Variants in MIDEAS observed in about 807,000 individuals in gnomAD.
The protein encoded by MIDEAS is mitotic deacetylase-associated SANT domain protein.
A neutral mutation model predicts 102.7 loss-of-function variants in MIDEAS; 26 were observed. The observed-to-expected ratio is 0.25, with a 90% CI of 0.19 to 0.35. MIDEAS has a LOEUF of 0.35. Among genes scored for constraint, MIDEAS ranks in the 10% least tolerant of loss-of-function variants. MIDEAS has a pLI of 1.00. For missense variants in MIDEAS, 1,231 were observed against 1,435.6 expected (o/e 0.86, Z 2.30); for synonymous variants, 585 against 591.0 (o/e 0.99, Z 0.15).
At chr14:73,747,614 A>G (rs2053368879) in intron 1 of MIDEAS, among the ~76,000 whole-genome samples, 1 of 149,014 alleles carries the variant, frequency 6.7e-6, no homozygotes, top group African/African-American at 2.5e-5. Context: ...GTCTGTGTGG[A>G]TGTCAAGCAG....
At chr14:73,758,559 G>A (rs2053514868) in intron 1 of MIDEAS, among the ~76,000 whole-genome samples, 1 of 152,150 alleles carries the variant, frequency 6.6e-6, no homozygotes, top group Non-Finnish European at 1.5e-5. Context: ...CTGCATACGC[G>A]GGCCACCGGG....
chr14:73,761,776 T>C (rs1027206715), upstream of MIDEAS, among the ~76,000 whole-genome samples: 1 of 152,224 alleles, frequency 6.6e-6, no homozygotes, highest in African/African-American at 2.4e-5. Flanking sequence ...TGAAGAGCCC[T>C]GCATGTGAGT....
chr14:73,735,917 GAGGCCA>G (rs1431933142), intron 3 of MIDEAS, among the ~76,000 whole-genome samples: 1 of 152,204 alleles, frequency 6.6e-6, no homozygotes, highest in African/African-American at 2.4e-5. Context: ...AACACTTTGG[GAGGCCA>G]AGGCGGGCAG....
rs1419928956 is a variant in MIDEAS, at chr14:73,716,641, C to A, written c.*2202G>T. The A allele has an allele frequency of 1.4e-5, 2 of 143,580 alleles. No individual in the cohort carries two copies. Among genetic ancestry groups the A allele is most frequent in the African/African-American group, 5.4e-5 (2 of 37,370 alleles). 8.9% of individuals were successfully genotyped at this position (143,580 alleles called of 1,614,324 possible). On this transcript the variant is annotated 3_prime_UTR_variant, in exon 13 of 13. Transcript: ENST00000423556. ...GAGGTTGCAGTGAGCCAAGATCACA[C>A]CACTGCACTCCAGCCTGGGCGACAG...
At chr14:73,738,064 A>G (rs977590618) in intron 2 of MIDEAS, among the ~76,000 whole-genome samples, 1 of 152,102 alleles carries the variant, frequency 6.6e-6, no homozygotes, top group African/African-American at 2.4e-5. Context: ...GATTATAGGC[A>G]TAAGCCACTG....
In MIDEAS at chr14:73,726,667, A is replaced by G; in HGVS notation, c.2346T>C (p.Pro782=). 6.2e-7 allele frequency: 1 copy of G among 1,614,246 alleles called. No individual in the cohort carries two copies. The highest frequency in any genetic ancestry group is 8.5e-7 in the Non-Finnish European group (1 of 1,180,038). The change falls in exon 7 of 13, where the codon CCT becomes CCC. Residue 782 remains proline (P), a synonymous_variant. Transcript: ENST00000423556. ...LLTAACSSIF[P]GAGTNQELAL... ...CCAGCTCCTGGTTGGTGCCAGCACCAGGGAAAATGCTGGAGCAGGCGGCTG... is the reference window on the plus strand; with the variant it reads ...CCAGCTCCTGGTTGGTGCCAGCACCGGGGAAAATGCTGGAGCAGGCGGCTG...
chr14:73,781,462 C>T (rs922212345), intron 1 of MIDEAS, among the ~76,000 whole-genome samples: 2 of 152,144 alleles, frequency 1.3e-5, no homozygotes, highest in East Asian at 1.9e-4. Context: ...AGGCCAGCCG[C>T]GGTGGCTCAT....
intron 9 of MIDEAS, chr14:73,724,673 G>A (rs1170594010): frequency 6.4e-6 from 1 of 155,866 alleles, no homozygotes; most frequent in African/African-American, 2.4e-5. Flanking sequence ...CTTTTCCCTT[G>A]GCAGTCCACA....
At chr14:73,751,900 C>CA (rs2053425120) in intron 1 of MIDEAS, among the ~76,000 whole-genome samples, 1 of 151,878 alleles carries the variant, frequency 6.6e-6, no homozygotes, top group African/African-American at 2.4e-5. Context: ...AACTCTGTCT[C>CA]AAAAAAATAA....
At chr14:73,733,753 G>A (rs2053167481) in intron 3 of MIDEAS, among the ~76,000 whole-genome samples, 2 of 152,146 alleles carry the variant, frequency 1.3e-5, no homozygotes. Flanking sequence ...GGAGTGCAGT[G>A]GTACGATCTT....
intron 1 of MIDEAS, among the ~76,000 whole-genome samples, chr14:73,756,267 AGTGTGTGTGT>A (rs772519833): frequency 2.8e-5 from 4 of 141,134 alleles, no homozygotes; most frequent in African/African-American, 7.8e-5. Flanking sequence ...AGCCCATGTC[AGTGTGTGTGT>A]GTGTGTGTGT....
At chr14:73,772,078 G>A (rs1159427965) in intron 1 of MIDEAS, among the ~76,000 whole-genome samples, 1 of 152,214 alleles carries the variant, frequency 6.6e-6, no homozygotes, top group Non-Finnish European at 1.5e-5. Flanking sequence ...GGGGCTGGAG[G>A]CAGAGTCCAC....
intron 11 of MIDEAS, among the ~76,000 whole-genome samples, 198 bp downstream of exon 11, chr14:73,721,099 A>G (rs999019870): frequency 1.3e-5 from 2 of 152,220 alleles, no homozygotes; most frequent in Non-Finnish European, 2.9e-5. Context: ...TTCCCCATCT[A>G]TAAAATGGGA....
intron 4 of MIDEAS, chr14:73,728,254 TA>T (rs11318877): frequency 0.51 from 65,322 of 127,864 alleles, 16,553 homozygotes; most frequent in East Asian, 0.74. Context: ...CTCCTTTGCT[TA>T]AAAAAAAAAA....
intron 9 of MIDEAS, chr14:73,724,334 G>A (rs990595777): frequency 3.3e-5 from 5 of 152,192 alleles, no homozygotes; most frequent in African/African-American, 1.2e-4. Context: ...AAACAGACAT[G>A]TTTCATCTCA....
In MIDEAS at chr14:73,718,622, C is replaced by G; in HGVS notation, c.*221G>C. ...AGGAAAGCACGAGGACAGCTTCCGA[C>G]AGACCAAATGCAAAGAGAGCTGGAT... On this transcript the variant is annotated 3_prime_UTR_variant, in exon 13 of 13. Transcript: ENST00000423556. 2 of 423,698 alleles carry G rather than the reference C, an allele frequency of 4.7e-6. No individual in the cohort carries two copies. Among genetic ancestry groups the G allele is most frequent in the Non-Finnish European group, 8.0e-6 (2 of 251,548 alleles). The allele number at this position is 423,698 out of a possible 1,614,324, so 26.2% of individuals were successfully genotyped here.
intron 1 of MIDEAS, among the ~76,000 whole-genome samples, chr14:73,768,128 C>G (rs746670156): frequency 6.6e-6 from 1 of 152,134 alleles, no homozygotes; most frequent in Non-Finnish European, 1.5e-5. Context: ...CCGCCGCACT[C>G]AGCACTCTAG....
chr14:73,770,972 T>A (rs2053637288), intron 1 of MIDEAS, among the ~76,000 whole-genome samples: 1 of 152,152 alleles, frequency 6.6e-6, no homozygotes, highest in Non-Finnish European at 1.5e-5. Flanking sequence ...TCAATGCCAC[T>A]GTAGGGCGTG....
chr14:73,779,916 A>C (rs2053735888), intron 1 of MIDEAS, among the ~76,000 whole-genome samples: 1 of 143,368 alleles, frequency 7.0e-6, no homozygotes, highest in Non-Finnish European at 1.5e-5. Flanking sequence ...TCTGTTGCCC[A>C]GGCTGGAGTG....
Sources: gnomAD v4.1 joint callset for allele counts (sites outside exome capture counted in the v4.1 genomes callset) on GRCh38, gnomAD v4.1.1 for gene constraint, MANE v1.5 for transcripts, NCBI Gene and HGNC (gene_info 2026-07-23, HGNC 2026-07-21) for gene names.